Variants in USP49 observed in about 807,000 individuals in gnomAD.
The protein encoded by USP49 is ubiquitin specific peptidase 49.
In USP49, 24 loss-of-function variants were observed where a neutral mutation model predicts 58.6. The observed-to-expected ratio is 0.41, with a 90% CI of 0.30 to 0.58. The LOEUF is 0.58. Ranked by LOEUF, USP49 falls within the 20% of genes least tolerant of loss-of-function variation. USP49 has a pLI of 0.30. For missense variants in USP49, 703 were observed against 866.1 expected (o/e 0.81, Z 2.36); for synonymous variants, 408 against 365.1 (o/e 1.12, Z -1.34).
chr6:41,828,733 G>A (rs770335433), intron 3 of USP49, among the ~76,000 whole-genome samples: 22 of 152,136 alleles, frequency 1.4e-4, no homozygotes, highest in Middle Eastern at 3.4e-3. Context: ...ATCATATGAC[G>A]CATCTTATAA....
At chr6:41,865,857 TG>T (rs1432781749) in intron 3 of USP49, among the ~76,000 whole-genome samples, 1 of 144,102 alleles carries the variant, frequency 6.9e-6, no homozygotes, top group Non-Finnish European at 1.5e-5. Flanking sequence ...TTGCCCAGGC[TG>T]GTCTAGAACT....
At chr6:41,819,128 C>T (rs984743767) in intron 3 of USP49, among the ~76,000 whole-genome samples, 2 of 151,852 alleles carry the variant, frequency 1.3e-5, no homozygotes, top group Admixed American at 6.6e-5. Context: ...AGGTCGGGTT[C>T]GGATAAATAA....
intron 5 of USP49, 41 bp from the exon 6 acceptor site, chr6:41,799,979 G>T (rs189682278): frequency 2.2e-5 from 34 of 1,562,648 alleles, no homozygotes; most frequent in Middle Eastern, 1.7e-4. Flanking sequence ...GTTGTGAGGA[G>T]TTTTTTCTAG....
chr6:41,841,950 A>C (rs1773835357), intron 3 of USP49, among the ~76,000 whole-genome samples: 1 of 152,058 alleles, frequency 6.6e-6, no homozygotes, highest in South Asian at 2.1e-4. Context: ...CCAGCTACTC[A>C]GGAGGCTGAG....
In USP49 at chr6:41,806,399, C is replaced by G. The variant is rs568474215; in HGVS notation, c.585G>C (p.Arg195=). The G allele has an allele frequency of 7.7e-6, 12 of 1,558,680 alleles. No homozygotes were observed. Among genetic ancestry groups the G allele is most frequent in the East Asian group, 2.2e-5 (1 of 44,534 alleles). ...GGGTGCTGGCCAGCTCCTCCAGCAG[C>G]CGCCGTTTCACCTCGCGCCGCCGCC... The part of the protein sequence containing the change: ...ARRRRREVKR[R]LLEELASTPP... Residue 195 remains arginine, a synonymous_variant, in exon 4 of 8, where the codon CGG becomes CGC. Transcript: ENST00000682992. The surrounding 1 kb of genome is among the most constrained non-coding windows in gnomAD (Gnocchi z 5.9).
chr6:41,859,238 T>A (rs1372124305), intron 3 of USP49, among the ~76,000 whole-genome samples: 1 of 152,236 alleles, frequency 6.6e-6, no homozygotes, highest in Non-Finnish European at 1.5e-5. Context: ...CCCATGACTA[T>A]GCTCCAGCTG....
chr6:41,796,418 T>C lies in USP49; in HGVS notation c.*115A>G. 2 of 615,316 alleles carry C rather than the reference T, an allele frequency of 3.3e-6. No homozygotes were observed. The highest frequency in any genetic ancestry group is 5.9e-6 in the Non-Finnish European group (2 of 337,394). 38.1% of individuals were successfully genotyped at this position (615,316 alleles called of 1,614,324 possible). ...ACGAATCACCTGGCACCTTCTACTC[T>C]AGACCCAGCAAGGCAAACCTAGTAA... On this transcript the variant is annotated 3_prime_UTR_variant, in exon 8 of 8. Coordinates refer to ENST00000682992, the MANE Select transcript of USP49 (RefSeq NM_001286554.2).
Position 41,790,258 on chromosome 6 carries a change from G to C in USP49, c.*6275C>G, listed in dbSNP as rs897291356. 7 of 152,260 alleles carry C rather than the reference G, an allele frequency of 4.6e-5. No individual in the cohort carries two copies. The highest frequency in any genetic ancestry group is 1.0e-4 in the Non-Finnish European group (7 of 68,048). 9.4% of individuals were successfully genotyped at this position (152,260 alleles called of 1,614,324 possible). On this transcript the variant is annotated 3_prime_UTR_variant, in exon 8 of 8. Transcript: ENST00000682992. ...GAGGTTTGGTGGCAGAAAGAGGGCA[G>C]TGATGTGTAGGGGGAGGCAAAGTGA...
chr6:41,844,609 G>A (rs150864371), intron 3 of USP49, among the ~76,000 whole-genome samples: 1 of 152,110 alleles, frequency 6.6e-6, no homozygotes, highest in East Asian at 1.9e-4. Flanking sequence ...CACCGCACCC[G>A]GCCAATGATG....
rs545345100 is a variant in USP49, at chr6:41,821,845, C to T, written c.-28-14834G>A. ...TAAGTCTCACTGTAGTCTCAGCAAA[C>T]AGCAGCACAAAAATTATATATTTAA... On this transcript the variant is annotated intron_variant, in intron 3 of 7. Transcript: ENST00000682992. 3.9e-5 allele frequency among the ~76,000 whole-genome samples: 6 copies of T among 152,258 alleles called. No individual in the cohort carries two copies. In the South Asian group the frequency reaches 1.0e-3, roughly 26 times the overall value.
chr6:41,872,424 C>T (rs1046018369), intron 2 of USP49, among the ~76,000 whole-genome samples: 2 of 152,070 alleles, frequency 1.3e-5, no homozygotes, highest in Non-Finnish European at 2.9e-5. Flanking sequence ...GCCGCCGCCC[C>T]GTCTGGGAAG....
rs1445776754 is a variant in USP49, at chr6:41,796,670, C to A, written c.1930G>T (p.Val644Leu). 3 of 717,532 alleles carry A rather than the reference C, an allele frequency of 4.2e-6. No homozygotes were observed. Among genetic ancestry groups the A allele is most frequent in the Non-Finnish European group, 7.8e-6 (3 of 385,116 alleles). The allele number at this position is 717,532 out of a possible 1,614,324, so 44.4% of individuals were successfully genotyped here. ...SKLNVCSVEE[V>L]CKTQAYILFY... ...AGGATGTAGGCCTGGGTTTTGCACA[C>A]TTCCTCGACACTGCATACATTCAGC... Residue 644 changes from valine (V) to leucine (L), a missense_variant, in exon 8 of 8, where the codon GTG (valine) becomes TTG (leucine). Transcript: ENST00000682992.
chr6:41,842,147 T>A (rs1164961825), intron 3 of USP49, among the ~76,000 whole-genome samples: 2 of 152,252 alleles, frequency 1.3e-5, no homozygotes, highest in South Asian at 2.1e-4. Flanking sequence ...TAAAGCCACA[T>A]TTGCCTTAAA....
At chr6:41,820,153 A>G (rs2127333732) in intron 3 of USP49, among the ~76,000 whole-genome samples, 1 of 151,174 alleles carries the variant, frequency 6.6e-6, no homozygotes, top group Non-Finnish European at 1.5e-5. Flanking sequence ...ATGTTTTAAA[A>G]TACTGTCTGT....
intron 3 of USP49, among the ~76,000 whole-genome samples, chr6:41,854,409 G>A (rs1582022955): frequency 6.6e-6 from 1 of 151,234 alleles, no homozygotes; most frequent in Non-Finnish European, 1.5e-5. Flanking sequence ...AATCACCTGC[G>A]ATTTCATTCT....
rs1245205183 is a variant in USP49, at chr6:41,796,493, A to G, written c.*40T>C. 9.8e-6 allele frequency: 7 copies of G among 710,818 alleles called. No homozygotes were observed. Among genetic ancestry groups the G allele is most frequent in the Admixed American group, 2.0e-5 (1 of 49,500 alleles). 44.0% of individuals were successfully genotyped at this position (710,818 alleles called of 1,614,324 possible). On this transcript the variant is annotated 3_prime_UTR_variant, in exon 8 of 8. Coordinates refer to ENST00000682992, the MANE Select transcript of USP49 (RefSeq NM_001286554.2). Reference sequence around the variant, plus strand: ...CCTATAAGAGGAAAGATGTATGGACACCAATACACAAAAGCCAGTCTTTGA... The same window carrying G: ...CCTATAAGAGGAAAGATGTATGGACGCCAATACACAAAAGCCAGTCTTTGA...
chr6:41,872,670 G>A (rs988860559), intron 2 of USP49, among the ~76,000 whole-genome samples: 4 of 151,646 alleles, frequency 2.6e-5, no homozygotes, highest in African/African-American at 4.8e-5. Flanking sequence ...AGGCCGAGAC[G>A]GGCGGATCAT....
intron 2 of USP49, among the ~76,000 whole-genome samples, chr6:41,884,568 T>C (rs1774675189): frequency 6.6e-6 from 1 of 152,038 alleles, no homozygotes; most frequent in African/African-American, 2.4e-5. Flanking sequence ...AAAATAGACA[T>C]GGGAATGAGG....
chr6:41,826,630 T>C (rs1773542491), intron 3 of USP49, among the ~76,000 whole-genome samples: 1 of 152,162 alleles, frequency 6.6e-6, no homozygotes, highest in African/African-American at 2.4e-5. Flanking sequence ...AGGTTTTATC[T>C]TCTGAGGTTG....
Sources: allele counts gnomAD v4.1 joint callset (sites outside exome capture counted in the v4.1 genomes callset), GRCh38; gene constraint gnomAD v4.1.1; non-coding constraint Gnocchi (gnomAD v3.1); transcripts MANE v1.5; gene names NCBI Gene and HGNC (gene_info 2026-07-23, HGNC 2026-07-21).